CALU: variants seen among roughly 807,000 people sequenced by gnomAD.
CALU encodes the protein calumenin, also known as IEF SSP 9302.
Under a neutral mutation model 37.5 loss-of-function variants are expected in CALU, and 13 were observed. The ratio of observed to expected loss-of-function variants is 0.35; its 90% CI spans 0.23 to 0.55. The LOEUF is 0.55. Among genes scored for constraint, CALU ranks in the 20% least tolerant of loss-of-function variants. CALU has a pLI of 0.89. For missense variants in CALU, 282 were observed against 391.7 expected (o/e 0.72, Z 2.36); for synonymous variants, 114 against 133.8 (o/e 0.85, Z 1.02).
rs1351782596 is a variant in CALU, at chr7:128,772,592, G to A, written c.*3425G>A. 4 of 1,614,204 alleles carry A rather than the reference G, an allele frequency of 2.5e-6. No homozygotes were observed. The highest frequency in any genetic ancestry group is 1.6e-4 in the Middle Eastern group (1 of 6,062). On this transcript the variant is annotated 3_prime_UTR_variant, in exon 7 of 7. Transcript: ENST00000249364. ...GACAGTAGAAACTTCTGTTTTCTGG[G>A]AGCTGCATGTGTCGGATTCATCTGT...
intron 2 of CALU, among the ~76,000 whole-genome samples, chr7:128,751,316 T>C (rs1800664774): frequency 6.6e-6 from 1 of 151,352 alleles, no homozygotes; most frequent in African/African-American, 2.4e-5. Flanking sequence ...TTCCTTGATA[T>C]ATTTACTATA....
chr7:128,759,151 A>G, intron 4 of CALU, 114 bp downstream of exon 4: 3 of 704,482 alleles, frequency 4.3e-6, no homozygotes, highest in South Asian at 2.4e-5. Flanking sequence ...GCTATATAGC[A>G]TATCACTGTA....
At chr7:128,755,875 C>T (rs1418290270) in intron 3 of CALU, among the ~76,000 whole-genome samples, 1 of 152,206 alleles carries the variant, frequency 6.6e-6, no homozygotes, top group Non-Finnish European at 1.5e-5. Context: ...TTAAAGCAAG[C>T]GTTCTCCGCC....
intron 2 of CALU, among the ~76,000 whole-genome samples, chr7:128,749,827 A>G (rs1800590519): frequency 6.6e-6 from 1 of 152,162 alleles, no homozygotes; most frequent in Non-Finnish European, 1.5e-5. Context: ...TTGAAAGTAG[A>G]TAGATATGCA....
At chr7:128,757,623 A>G (rs766951926) in intron 3 of CALU, among the ~76,000 whole-genome samples, 4 of 152,148 alleles carry the variant, frequency 2.6e-5, no homozygotes, top group Non-Finnish European at 4.4e-5. Context: ...GCAGTGTCAT[A>G]TCCTTTTTAT....
At chr7:128,754,755 G>A (rs751599561) in intron 3 of CALU, 27 of 1,411,210 alleles carry the variant, frequency 1.9e-5, no homozygotes, top group African/African-American at 1.2e-4. Context: ...GGCAGGGACC[G>A]TGGTCTTGAG....
At position 128,772,075 on chromosome 7, in the gene CALU, GT is replaced by G. The variant is rs1160576814; in HGVS notation, c.*2912del. On this transcript the variant is annotated 3_prime_UTR_variant, in exon 7 of 7. Transcript: ENST00000249364. The stretch of plus-strand genomic sequence containing the variant: ...CTGAGTTTTTTTTGTTTTTTTTTTT[GT>G]TTTGTTTTGTTTTTTCTTTATGTCT... Among the ~76,000 whole-genome samples the G allele has an allele frequency of 5.4e-3, 292 of 54,028 alleles. 1 individual carries two copies. Among genetic ancestry groups the G allele is most frequent in the African/African-American group, 0.014 (271 of 19,308 alleles). The allele number at this position is 54,028 out of a possible 152,430, so 35.4% of individuals were successfully genotyped here.
chr7:128,768,864 A>G (rs978555047), intron 6 of CALU, among the ~76,000 whole-genome samples, 199 bp from the exon 7 acceptor site: 1 of 148,984 alleles, frequency 6.7e-6, no homozygotes, highest in Non-Finnish European at 1.5e-5. Flanking sequence ...AAAAAAAAAA[A>G]AAAACAAGGA....
At chr7:128,745,389 G>A (rs1461187971) in intron 1 of CALU, among the ~76,000 whole-genome samples, 1 of 152,162 alleles carries the variant, frequency 6.6e-6, no homozygotes, top group Non-Finnish European at 1.5e-5. Flanking sequence ...GGAGGCCAGG[G>A]CTGGAGGATC....
At chr7:128,748,907 T>A in intron 2 of CALU, 103 bp downstream of exon 2, 1 of 698,050 alleles carries the variant, frequency 1.4e-6, no homozygotes, top group Non-Finnish European at 2.4e-6. Flanking sequence ...TATATTGAAC[T>A]ATTAATACAT....
At chr7:128,739,980 A>G (rs373610546) in intron 1 of CALU, among the ~76,000 whole-genome samples, 2 of 152,348 alleles carry the variant, frequency 1.3e-5, no homozygotes, top group South Asian at 2.1e-4. Flanking sequence ...GGTGATATCT[A>G]TGATTTTAAA....
intron 5 of CALU, chr7:128,761,257 A>G (rs1219812731): frequency 6.6e-6 from 1 of 152,204 alleles, no homozygotes; most frequent in Non-Finnish European, 1.5e-5. Context: ...TTGCTTTAAA[A>G]AAAAAAAGCT....
At chr7:128,744,302 C>T (rs921018288) in intron 1 of CALU, among the ~76,000 whole-genome samples, 1 of 152,056 alleles carries the variant, frequency 6.6e-6, no homozygotes, top group Non-Finnish European at 1.5e-5. Flanking sequence ...GTAAGATATC[C>T]TTTGTCTTAG....
chr7:128,746,652 C>G (rs893321900), intron 1 of CALU, among the ~76,000 whole-genome samples: 3 of 151,992 alleles, frequency 2.0e-5, no homozygotes, highest in Non-Finnish European at 4.4e-5. Flanking sequence ...CAGTGTTTCG[C>G]TATCACCCAG....
intron 4 of CALU, 66 bp from the exon 5 acceptor site, chr7:128,759,726 A>G: frequency 2.4e-6 from 2 of 829,866 alleles, no homozygotes; most frequent in Admixed American, 3.5e-5. Flanking sequence ...TAAACTAGAT[A>G]CTTTACTTTC....
rs545941228 is a variant in CALU, at chr7:128,762,742, C to A, written c.643+2890C>A. ...AGTGCAGTGGCGTGATCTCCACTCA[C>A]TACAATCTCTGCCTCCCAGGTTCAG... On this transcript the variant is annotated intron_variant, in intron 5 of 6. Coordinates refer to ENST00000249364, the MANE Select transcript of CALU (RefSeq NM_001219.5). 9.9e-5 allele frequency among the ~76,000 whole-genome samples: 15 copies of A among 152,170 alleles called. No homozygotes were observed. The South Asian group carries it at 1.2e-3, about 13-fold the overall frequency.
chr7:128,745,788 A>G lies in CALU; in HGVS notation c.-11-2785A>G, dbSNP rs547659121. ...CAGAGTGTTGTTCACCCAGAGCAAT[A>G]TTTTACAAGTGGTGCACACAGAAAG... is the stretch of plus-strand genomic sequence containing the variant. On this transcript the variant is annotated intron_variant, in intron 1 of 6. Transcript: ENST00000249364. 7.1e-4 allele frequency among the ~76,000 whole-genome samples: 108 copies of G among 152,312 alleles called. 1 individual carries two copies. Among genetic ancestry groups the G allele is most frequent in the African/African-American group, 2.5e-3 (103 of 41,576 alleles).
intron 6 of CALU, among the ~76,000 whole-genome samples, chr7:128,768,847 C>CAAAAAAAAAAAAAAAAAAAAAAAAAAAAA (rs1012831963): frequency 1.1e-4 from 6 of 55,190 alleles, no homozygotes; most frequent in African/African-American, 2.6e-4. Context: ...AACTCCGTCT[C>CAAAAAAAAAAAAAAAAAAAAAAAAAAAAA]AAAAAAAAAA....
intron 5 of CALU, 123 bp from the exon 6 acceptor site, chr7:128,767,333 A>G (rs554226374): frequency 1.4e-6 from 1 of 740,478 alleles, no homozygotes; most frequent in South Asian, 1.6e-5. Flanking sequence ...GGCCTAAAAT[A>G]CCCTTGTAGC....
Sources: gnomAD v4.1 joint callset for allele counts (sites outside exome capture counted in the v4.1 genomes callset) on GRCh38, gnomAD v4.1.1 for gene constraint, MANE v1.5 for transcripts, NCBI Gene and HGNC (gene_info 2026-07-23, HGNC 2026-07-21) for gene names.